Variants in TAPT1 observed in about 807,000 individuals in gnomAD.
The protein encoded by TAPT1 is transmembrane anterior posterior transformation protein 1 homolog.
TAPT1 carries 28 observed loss-of-function variants against 65.6 expected under a neutral mutation model. That is an observed-to-expected ratio of 0.43 (90% CI 0.32 to 0.59). The LOEUF is 0.59. Ranked by LOEUF, TAPT1 falls within the 20% of genes least tolerant of loss-of-function variation. The pLI is 0.09. For synonymous variants in TAPT1, 278 were observed against 245.2 expected (o/e 1.13, Z -1.25); for missense variants, 563 against 679.9 (o/e 0.83, Z 1.91).
chr4:16,166,563 A>C, intron 13 of TAPT1, 70 bp downstream of exon 13: 6 of 1,571,068 alleles, frequency 3.8e-6, no homozygotes, highest in Non-Finnish European at 5.2e-6. Flanking sequence ...AGCGTTGCTT[A>C]ACATTGATCA....
chr4:16,196,737 GAGAA>G (rs1560173753), intron 3 of TAPT1: 9 of 1,260,362 alleles, frequency 7.1e-6, no homozygotes, highest in Middle Eastern at 2.2e-4. Context: ...ATTTACGAGA[GAGAA>G]AGAAAGAGAG....
At chr4:16,173,151 G>C (rs551714138) in intron 11 of TAPT1, among the ~76,000 whole-genome samples, 1 of 152,160 alleles carries the variant, frequency 6.6e-6, no homozygotes, top group Non-Finnish European at 1.5e-5. Flanking sequence ...TGTTAGAATC[G>C]GTAGTCAAGA....
chr4:16,184,102 G>A (rs1748865914), intron 7 of TAPT1, among the ~76,000 whole-genome samples: 1 of 152,184 alleles, frequency 6.6e-6, no homozygotes. Flanking sequence ...TCTGATCAAT[G>A]CATAACTTGA....
At chr4:16,166,057 A>G (rs1747590756) in intron 13 of TAPT1, among the ~76,000 whole-genome samples, 1 of 152,120 alleles carries the variant, frequency 6.6e-6, no homozygotes, top group South Asian at 2.1e-4. Context: ...TTTCCCTGGG[A>G]TGGGCCACTG....
intron 2 of TAPT1, among the ~76,000 whole-genome samples, chr4:16,204,771 C>T (rs994571686): frequency 6.6e-6 from 1 of 152,232 alleles, no homozygotes; most frequent in East Asian, 1.9e-4. Context: ...GGAGGCAGAG[C>T]CAGGACTTCA....
Position 16,163,312 on chromosome 4 carries a change from T to C in TAPT1, c.1700A>G (p.Asp567Gly), listed in dbSNP as rs775790806. ...TCAGCGCATGAAGCCACAGATTCAGTCAATTCGGTTTCCACAAATTGTGAA... is the reference window on the plus strand; with the variant it reads ...TCAGCGCATGAAGCCACAGATTCAGCCAATTCGGTTTCCACAAATTGTGAA... The part of the protein sequence containing the change: ...DRFTICGNRI[D>G] The change falls in exon 14 of 14, where the codon GAC becomes GGC. Residue 567 changes from aspartate (D) to glycine (G), a missense_variant. Physicochemically the swap from Asp to Gly is moderately conservative, Grantham distance 94 (BLOSUM62 -1). This residue lies in a region of TAPT1 where 136 missense variants were observed against 153.9 expected (regional missense o/e 0.88). Coordinates refer to ENST00000405303, the MANE Select transcript of TAPT1 (RefSeq NM_153365.3). 6.2e-7 allele frequency: 1 copy of C among 1,613,100 alleles called. No homozygotes were observed. Among genetic ancestry groups the C allele is most frequent in the South Asian group, 1.1e-5 (1 of 91,056 alleles).
intron 3 of TAPT1, among the ~76,000 whole-genome samples, chr4:16,197,247 G>A (rs1749764957): frequency 6.6e-6 from 1 of 152,170 alleles, no homozygotes; most frequent in Non-Finnish European, 1.5e-5. Context: ...CTAAAGCCGG[G>A]CCAGGGGACA....
chr4:16,179,808 G>A (rs898078331), intron 7 of TAPT1, among the ~76,000 whole-genome samples, 151 bp from the exon 8 acceptor site: 12 of 148,110 alleles, frequency 8.1e-5, no homozygotes, highest in African/African-American at 2.9e-4. Context: ...ATATATGTGT[G>A]TGTGTGTGTG....
At chr4:16,216,637 A>T (rs527860894) in intron 1 of TAPT1, among the ~76,000 whole-genome samples, 2 of 152,284 alleles carry the variant, frequency 1.3e-5, no homozygotes, top group South Asian at 2.1e-4. Flanking sequence ...AATCTTGACA[A>T]TCCCCTCTCT....
chr4:16,203,026 A>C (rs912555674), intron 2 of TAPT1, among the ~76,000 whole-genome samples: 1 of 152,188 alleles, frequency 6.6e-6, no homozygotes, highest in African/African-American at 2.4e-5. Context: ...ATGTGCACTG[A>C]AACTTGCTGC....
chr4:16,200,145 C>T (rs1263403459), intron 3 of TAPT1, among the ~76,000 whole-genome samples: 1 of 152,190 alleles, frequency 6.6e-6, no homozygotes, highest in African/African-American at 2.4e-5. Flanking sequence ...ATTAGCTTAT[C>T]TATCATTTTA....
At chr4:16,195,608 A>C (rs78395486) in intron 3 of TAPT1, among the ~76,000 whole-genome samples, 2,229 of 152,326 alleles carry the variant, frequency 0.015, 62 homozygotes, top group African/African-American at 0.051. Context: ...AATTAGCTAA[A>C]TTTCCAAAAT....
Position 16,202,565 on chromosome 4 carries a change from T to G in TAPT1, c.346A>C (p.Ile116Leu), listed in dbSNP as rs187246858. Reference protein sequence around the residue: ...RELEKLMVFGIFLCLDAFLYV... With the variant: ...RELEKLMVFGLFLCLDAFLYV... The stretch of plus-strand genomic sequence containing the variant: ...AAAAACGCATCCAGGCACAGAAAGA[T>G]TCCAAAAACCATCAGCTGAATTTTA... The change falls in exon 3 of 14, where the codon ATC (isoleucine) becomes CTC (leucine). Residue 116 changes from isoleucine (I) to leucine (L), a missense_variant. By Grantham distance (5) the Ile-to-Leu change is conservative. Around this residue, in one of 5 missense-constraint regions of TAPT1, gnomAD observed 217 missense variants for 317.5 expected, o/e 0.68. Coordinates refer to ENST00000405303, the MANE Select transcript of TAPT1 (RefSeq NM_153365.3). 6,023 of 1,534,342 alleles carry G rather than the reference T, an allele frequency of 3.9e-3. 36 individuals carry two copies. The highest frequency in any genetic ancestry group is 3.7e-3 in the Non-Finnish European group (4,192 of 1,139,546).
intron 8 of TAPT1, among the ~76,000 whole-genome samples, chr4:16,177,142 T>C (rs1247191928): frequency 6.6e-6 from 1 of 152,220 alleles, no homozygotes; most frequent in Non-Finnish European, 1.5e-5. Flanking sequence ...GAGAAGAATT[T>C]GACTGGTTCT....
intron 12 of TAPT1, among the ~76,000 whole-genome samples, chr4:16,167,384 T>C (rs1747712239): frequency 1.3e-5 from 2 of 152,196 alleles, no homozygotes; most frequent in South Asian, 4.1e-4. Flanking sequence ...AACAAATACA[T>C]TTAGCACATG....
chr4:16,191,259 C>A, intron 4 of TAPT1, 102 bp downstream of exon 4: 1 of 1,223,844 alleles, frequency 8.2e-7, no homozygotes, highest in Non-Finnish European at 1.1e-6. Flanking sequence ...AGCACCATAA[C>A]TAGAGTCGGT....
intron 6 of TAPT1, 31 bp from the exon 7 acceptor site, chr4:16,186,635 T>C: frequency 6.8e-7 from 1 of 1,461,714 alleles, no homozygotes; most frequent in Non-Finnish European, 9.4e-7. Context: ...ACCATCTTTA[T>C]GATTATAACA....
At chr4:16,166,512 A>T in intron 13 of TAPT1, 121 bp downstream of exon 13, 1 of 1,266,216 alleles carries the variant, frequency 7.9e-7, no homozygotes, top group Non-Finnish European at 1.1e-6. Context: ...CACAACCATT[A>T]AAAGACCCAA....
chr4:16,192,822 T>C (rs895485883), intron 3 of TAPT1, among the ~76,000 whole-genome samples: 2 of 152,194 alleles, frequency 1.3e-5, no homozygotes, highest in African/African-American at 4.8e-5. Context: ...TGTGACAATG[T>C]TCTAAGCAAC....
Sources: gnomAD v4.1 joint callset for allele counts (sites outside exome capture counted in the v4.1 genomes callset) on GRCh38, gnomAD v4.1.1 for gene constraint, gnomAD v4.1.1 regional missense constraint, MANE v1.5 for transcripts, NCBI Gene and HGNC (gene_info 2026-07-23, HGNC 2026-07-21) for gene names.